The following GON4L variants were observed in gnomAD, a reference collection of about 807,000 sequenced individuals.
GON4L encodes the protein GON-4-like protein.
GON4L carries 87 observed loss-of-function variants against 211.8 expected under a neutral mutation model. The observed-to-expected ratio is 0.41, with a 90% CI of 0.35 to 0.49. The LOEUF (loss-of-function observed/expected upper bound fraction) is 0.49, where lower values mean the gene tolerates loss of function less well. GON4L is among the 20% of genes least tolerant of loss of function. GON4L has a pLI of 0.15. For missense variants in GON4L, 2,155 were observed against 2,659.5 expected (o/e 0.81, Z 4.17); for synonymous variants, 875 against 962.6 (o/e 0.91, Z 1.68).
At chr1:155,795,671 A>G (rs1665995801) in intron 11 of GON4L, among the ~76,000 whole-genome samples, 1 of 152,004 alleles carries the variant, frequency 6.6e-6, no homozygotes, top group Non-Finnish European at 1.5e-5. Flanking sequence ...ACAGGGTCTC[A>G]CTCTGTCACC....
intron 10 of GON4L, among the ~76,000 whole-genome samples, chr1:155,811,733 G>A: frequency 8.8e-6 from 1 of 113,674 alleles, no homozygotes; most frequent in Admixed American, 1.2e-4. Context: ...TCCAGCCTGG[G>A]AGACAGGCAA....
chr1:155,810,981 C>T (rs990434935), intron 10 of GON4L, among the ~76,000 whole-genome samples: 6 of 151,678 alleles, frequency 4.0e-5, no homozygotes, highest in Non-Finnish European at 8.8e-5. Flanking sequence ...ATCACACCAC[C>T]GAACTCCAGC....
chr1:155,841,945 T>C (rs1670804434), intron 2 of GON4L, among the ~76,000 whole-genome samples: 1 of 151,932 alleles, frequency 6.6e-6, no homozygotes, highest in African/African-American at 2.4e-5. Context: ...GGAGAATCAC[T>C]TGAACCTGGA....
intron 2 of GON4L, among the ~76,000 whole-genome samples, chr1:155,851,824 G>A (rs969986794): frequency 6.6e-6 from 1 of 151,858 alleles, no homozygotes; most frequent in South Asian, 2.1e-4. Context: ...CAAATGCCTT[G>A]GTATGAAAAA....
Position 155,822,864 on chromosome 1 carries a change from C to T in GON4L, c.698-388G>A, listed in dbSNP as rs372146693. Among the ~76,000 whole-genome samples, 218 of 152,310 alleles carry T rather than the reference C, an allele frequency of 1.4e-3. 2 individuals carry two copies. Among genetic ancestry groups the T allele is most frequent in the African/African-American group, 4.1e-3 (170 of 41,572 alleles). ...AGGCTGGAGTGCAATGGTGCAATCT[C>T]GGCTCAGCGCAACCTCCGCCTCCTG... On this transcript the variant is annotated intron_variant, in intron 3 of 31. Transcript: ENST00000368331.
At chr1:155,854,401 C>T (rs1201213172) in intron 1 of GON4L, among the ~76,000 whole-genome samples, 11 of 152,258 alleles carry the variant, frequency 7.2e-5, no homozygotes, top group African/African-American at 2.6e-4. Flanking sequence ...GAGATCCACC[C>T]GCCTCGGCCT....
In GON4L at chr1:155,754,442, T is replaced by A. The variant is rs759577566; in HGVS notation, c.5564A>T (p.His1855Leu). The A allele has an allele frequency of 2.5e-6, 4 of 1,612,544 alleles. No homozygotes were observed. The highest frequency in any genetic ancestry group is 2.7e-5 in the African/African-American group (2 of 74,728). Residue 1855 changes from histidine to leucine, a missense_variant, in exon 28 of 32, where the codon CAT becomes CTT. Coordinates refer to ENST00000368331, the MANE Select transcript of GON4L (RefSeq NM_001282860.2). ...CAGCTTGGAATCTGGACCTCCTTCA[T>A]GGCAGGAGCAGGCACAGTCCTTGGC... ...DGAKDCACSC[H>L]EGGPDSKLKK...
intron 2 of GON4L, among the ~76,000 whole-genome samples, chr1:155,853,055 T>C (rs918707242): frequency 4.6e-5 from 7 of 151,794 alleles, no homozygotes; most frequent in African/African-American, 1.7e-4. Context: ...GAGGCTGCAG[T>C]GAGTCAAGAT....
At chr1:155,847,191 T>C (rs770111433) in intron 2 of GON4L, among the ~76,000 whole-genome samples, 1 of 152,194 alleles carries the variant, frequency 6.6e-6, no homozygotes. Flanking sequence ...TTTGGACCCA[T>C]AGCTCTAGCA....
At chr1:155,842,013 G>GC (rs1670811933) in intron 2 of GON4L, among the ~76,000 whole-genome samples, 1 of 151,726 alleles carries the variant, frequency 6.6e-6, no homozygotes. Context: ...GAGTGACAGA[G>GC]CAAGACTCCG....
chr1:155,856,525 C>T (rs181289234), intron 1 of GON4L, among the ~76,000 whole-genome samples: 1 of 152,076 alleles, frequency 6.6e-6, no homozygotes, highest in Non-Finnish European at 1.5e-5. Flanking sequence ...CGTGAGCCAC[C>T]GCGCCCGACC....
Position 155,822,491 on chromosome 1 carries a change from A to G in GON4L, c.698-15T>C, listed in dbSNP as rs748402593. The G allele has an allele frequency of 3.1e-6, 5 of 1,602,390 alleles. No individual in the cohort carries two copies. The South Asian group carries it at 3.3e-5, about 11-fold the overall frequency. On this transcript the variant is annotated splice_polypyrimidine_tract_variant and intron_variant, in intron 3 of 31. Transcript: ENST00000368331. ...GTCTTGTTCTTCTGCAAATAAACCA[A>G]GAACATCATCAGAATTCCAAAATAG...
intron 3 of GON4L, 117 bp downstream of exon 3, chr1:155,826,720 T>C: frequency 4.2e-6 from 3 of 714,510 alleles, no homozygotes; most frequent in Non-Finnish European, 7.4e-6. Flanking sequence ...CTTACAAGGG[T>C]GTATTAAATT....
At chr1:155,770,769 C>G (rs570933633) in intron 19 of GON4L, among the ~76,000 whole-genome samples, 1 of 152,220 alleles carries the variant, frequency 6.6e-6, no homozygotes, top group East Asian at 1.9e-4. Context: ...GACACCGAGG[C>G]AGGAGAATCG....
intron 2 of GON4L, among the ~76,000 whole-genome samples, chr1:155,837,861 T>C (rs1416819819): frequency 2.0e-5 from 3 of 152,228 alleles, no homozygotes; most frequent in Non-Finnish European, 2.9e-5. Flanking sequence ...TTTAGCCATG[T>C]GAACAGGTTT....
chr1:155,816,256 G>C lies in GON4L; in HGVS notation c.1021C>G (p.Pro341Ala), dbSNP rs1383421732. 3.9e-6 allele frequency: 5 copies of C among 1,287,268 alleles called. No individual in the cohort carries two copies. The highest frequency in any genetic ancestry group is 1.5e-5 in the African/African-American group (1 of 68,710). 79.7% of individuals were successfully genotyped at this position (1,287,268 alleles called of 1,614,324 possible). Residue 341 changes from proline (P) to alanine (A), a missense_variant, in exon 7 of 32, where the codon CCA becomes GCA. By Grantham distance (27) the Pro-to-Ala change is conservative. Transcript: ENST00000368331. Reference sequence around the variant, plus strand: ...TTAATTGGTGAAATATTCCATGTTGGAATTACCTACCAACAAAGAATATAA... The same window carrying C: ...TTAATTGGTGAAATATTCCATGTTGCAATTACCTACCAACAAAGAATATAA... ...KEVVEKGVVIPTWNISPIKKA... is the reference protein window; with the variant it reads ...KEVVEKGVVIATWNISPIKKA...
chr1:155,746,968 T>C (rs780083883), downstream of GON4L: 56 of 1,600,300 alleles, frequency 3.5e-5, 1 homozygote, highest in Non-Finnish European at 4.2e-5. Context: ...TTAAATGTCT[T>C]AGAATGATAT....
At chr1:155,778,296 G>A (rs1227595497) in intron 14 of GON4L, among the ~76,000 whole-genome samples, 1 of 151,966 alleles carries the variant, frequency 6.6e-6, no homozygotes. Flanking sequence ...CTGTCGCCCA[G>A]GCTGGAGTGC....
chr1:155,774,500 G>A (rs1663562516), intron 17 of GON4L, among the ~76,000 whole-genome samples: 1 of 151,904 alleles, frequency 6.6e-6, no homozygotes, highest in South Asian at 2.1e-4. Flanking sequence ...GTAGAGACGG[G>A]GTTTCACTGT....
Sources: gnomAD v4.1 joint callset for allele counts (sites outside exome capture counted in the v4.1 genomes callset) on GRCh38, gnomAD v4.1.1 for gene constraint, MANE v1.5 for transcripts, NCBI Gene and HGNC (gene_info 2026-07-23, HGNC 2026-07-21) for gene names.